UBAP1: variants seen among roughly 807,000 people sequenced by gnomAD.
The protein encoded by UBAP1 is ubiquitin associated protein 1, also known as ubiquitin-associated protein 1.
Under a neutral mutation model 39.0 loss-of-function variants are expected in UBAP1, and 5 were observed. The observed-to-expected ratio is 0.13, with a 90% CI of 0.07 to 0.27. The LOEUF is 0.27. Among genes scored for constraint, UBAP1 ranks in the 10% least tolerant of loss-of-function variants. UBAP1 has a pLI of 1.00. For missense variants in UBAP1, 490 were observed against 608.1 expected, an observed-to-expected ratio of 0.81 and a Z score of 2.04; for synonymous variants, 211 against 225.1, an observed-to-expected ratio of 0.94 and a Z score of 0.56.
At chr9:34,249,129 A>G (rs896619548) in intron 4 of UBAP1, among the ~76,000 whole-genome samples, 2 of 152,102 alleles carry the variant, frequency 1.3e-5, no homozygotes, top group Non-Finnish European at 1.5e-5. Context: ...TGGTGTGGCT[A>G]GTATGCCTTC....
intron 1 of UBAP1, among the ~76,000 whole-genome samples, chr9:34,210,340 G>A (rs1405882708): frequency 6.6e-6 from 1 of 152,126 alleles, no homozygotes; most frequent in Non-Finnish European, 1.5e-5. Flanking sequence ...TGAAAGCAAG[G>A]CCTCACAAAT....
At chr9:34,193,827 T>A (rs1024318881) in intron 1 of UBAP1, among the ~76,000 whole-genome samples, 5 of 152,146 alleles carry the variant, frequency 3.3e-5, no homozygotes, top group Non-Finnish European at 7.3e-5. Context: ...CTTGGGCTTT[T>A]GTGGAAGCTT....
Position 34,242,047 on chromosome 9 carries a change from C to A in UBAP1, c.1022C>A (p.Pro341His). ...CCAGCCCTGACATCCTCCCAGATGCCTTCCCTCTCTGTTTTGTCTGTGTGC... is the reference window on the plus strand; with the variant it reads ...CCAGCCCTGACATCCTCCCAGATGCATTCCCTCTCTGTTTTGTCTGTGTGC... ...EMPALTSSQM[P>H]SLSVLSVCTE... Residue 341 changes from proline (P) to histidine (H), a missense_variant, in exon 4 of 7, where the codon CCT becomes CAT. Pro to His is a moderately conservative substitution (Grantham distance 77, BLOSUM62 -2). This residue lies in a region of UBAP1 where 339 missense variants were observed against 390.0 expected (regional missense o/e 0.87). Transcript: ENST00000297661. 6.2e-7 allele frequency: 1 copy of A among 1,614,000 alleles called. No individual in the cohort carries two copies. The highest frequency in any genetic ancestry group is 8.5e-7 in the Non-Finnish European group (1 of 1,179,866).
intron 2 of UBAP1, among the ~76,000 whole-genome samples, chr9:34,226,679 T>C (rs1448226873): frequency 6.6e-6 from 1 of 152,202 alleles, no homozygotes; most frequent in Non-Finnish European, 1.5e-5. Context: ...TGCATTAGGT[T>C]GTTTGGTATT....
intron 1 of UBAP1, 30 bp downstream of exon 1, chr9:34,179,270 G>T (rs1587764307): frequency 5.2e-6 from 3 of 572,756 alleles, no homozygotes; most frequent in East Asian, 6.6e-5. Context: ...GGGGGAGGGG[G>T]AAGAGGGGCG....
intron 2 of UBAP1, chr9:34,224,038 C>T (rs1189656392): frequency 1.8e-5 from 10 of 544,300 alleles, no homozygotes; most frequent in Non-Finnish European, 2.6e-5. Flanking sequence ...ACTCCTTCCC[C>T]TCTAGCACAT....
intron 3 of UBAP1, among the ~76,000 whole-genome samples, chr9:34,236,223 C>CT (rs1219015730): frequency 6.6e-6 from 1 of 152,064 alleles, no homozygotes; most frequent in Non-Finnish European, 1.5e-5. Flanking sequence ...GGTTTAGATA[C>CT]ATAAATACTT....
At chr9:34,195,547 A>G (rs959333353) in intron 1 of UBAP1, among the ~76,000 whole-genome samples, 1 of 152,000 alleles carries the variant, frequency 6.6e-6, no homozygotes, top group Non-Finnish European at 1.5e-5. Flanking sequence ...TTTTGAAACC[A>G]GAAAAGAAAG....
chr9:34,209,702 AT>A (rs4008754), intron 1 of UBAP1, among the ~76,000 whole-genome samples: 2,013 of 150,670 alleles, frequency 0.013, 38 homozygotes, highest in African/African-American at 0.04. Flanking sequence ...TTAGTTACCT[AT>A]TTTTTTTTTT....
At chr9:34,247,652 G>A (rs1340680989) in intron 4 of UBAP1, among the ~76,000 whole-genome samples, 1 of 152,058 alleles carries the variant, frequency 6.6e-6, no homozygotes, top group Non-Finnish European at 1.5e-5. Flanking sequence ...TTGAACTCCC[G>A]ACCTCAGGTG....
chr9:34,189,693 A>G (rs150652434), intron 1 of UBAP1, among the ~76,000 whole-genome samples: 15 of 151,558 alleles, frequency 9.9e-5, no homozygotes, highest in African/African-American at 2.9e-4. Flanking sequence ...CTGGAGTGCA[A>G]TGGTACAATC....
chr9:34,180,618 T>C (rs951699952), intron 1 of UBAP1, among the ~76,000 whole-genome samples: 7 of 152,166 alleles, frequency 4.6e-5, no homozygotes, highest in African/African-American at 1.7e-4. Context: ...TTATTAAATT[T>C]TTGTTTCTAG....
chr9:34,236,280 A>G (rs1833698073), intron 3 of UBAP1, among the ~76,000 whole-genome samples: 1 of 152,160 alleles, frequency 6.6e-6, no homozygotes, highest in Non-Finnish European at 1.5e-5. Context: ...GTAACATGCT[A>G]TACAGGTTTA....
intron 1 of UBAP1, among the ~76,000 whole-genome samples, chr9:34,181,653 C>T (rs2769705): frequency 0.73 from 108,043 of 147,232 alleles, 41,129 homozygotes; most frequent in East Asian, 0.94. Context: ...AGGATGGTCT[C>T]GATCTCCTGA....
At chr9:34,226,119 G>GTATGTGTGTGTGTGTGTGTGTGTGTT in intron 2 of UBAP1, among the ~76,000 whole-genome samples, 1 of 97,510 alleles carries the variant, frequency 1.0e-5, no homozygotes, top group Non-Finnish European at 2.3e-5. Context: ...GTGTGTGTGT[G>GTATGTGTGTGTGTGTGTGTGTGTGTT]TGTGTGTGTG....
At chr9:34,216,046 T>C (rs563313535) in intron 1 of UBAP1, among the ~76,000 whole-genome samples, 7 of 152,256 alleles carry the variant, frequency 4.6e-5, no homozygotes, top group African/African-American at 1.7e-4. Context: ...TTATTTTTCA[T>C]TTACTATTCC....
chr9:34,238,288 C>T (rs1441894223), intron 3 of UBAP1, among the ~76,000 whole-genome samples: 1 of 152,158 alleles, frequency 6.6e-6, no homozygotes, highest in African/African-American at 2.4e-5. Context: ...GTGGTAGTTT[C>T]TAATTTTCGG....
intron 3 of UBAP1, 21 bp downstream of exon 3, chr9:34,234,361 A>G: frequency 6.3e-7 from 1 of 1,577,938 alleles, no homozygotes; most frequent in Non-Finnish European, 8.6e-7. Flanking sequence ...ATTTTTAGTT[A>G]AAGTTTAGTG....
Position 34,179,198 on chromosome 9 carries a change from A to G in UBAP1, c.-50A>G. On this transcript the variant is annotated 5_prime_UTR_variant, in exon 1 of 7. Coordinates refer to ENST00000297661, the MANE Select transcript of UBAP1 (RefSeq NM_016525.5). ...CGAGCCTGGGAGGCCGGCCGGTGCC[A>G]GCACCTTTCGGCTTCTGAGACGGCG... 6 of 1,229,484 alleles carry G rather than the reference A, an allele frequency of 4.9e-6. No homozygotes were observed. The highest frequency in any genetic ancestry group is 6.1e-6 in the Non-Finnish European group (6 of 985,588). 76.2% of individuals were successfully genotyped at this position (1,229,484 alleles called of 1,614,324 possible). A position where few individuals can be genotyped will look rare whatever the true frequency, so the allele number is the denominator to read the frequency against.
Sources: gnomAD v4.1 joint callset for allele counts (sites outside exome capture counted in the v4.1 genomes callset) on GRCh38, gnomAD v4.1.1 for gene constraint, gnomAD v4.1.1 regional missense constraint, MANE v1.5 for transcripts, NCBI Gene and HGNC (gene_info 2026-07-23, HGNC 2026-07-21) for gene names.